Variants in RBFOX1 observed in about 807,000 individuals in gnomAD.
The protein encoded by RBFOX1 is RNA binding fox-1 homolog 1.
Under a neutral mutation model 57.7 loss-of-function variants are expected in RBFOX1, and 8 were observed. The ratio of observed to expected loss-of-function variants is 0.14; its 90% CI spans 0.08 to 0.25. The LOEUF is 0.25. Among genes scored for constraint, RBFOX1 ranks in the 10% least tolerant of loss-of-function variants. RBFOX1 has a pLI of 1.00. For synonymous variants in RBFOX1, 326 were observed against 222.4 expected (o/e 1.47, Z -4.15); for missense variants, 611 against 548.5 (o/e 1.11, Z -1.14).
At chr16:6,395,290 G>C (rs1286075154) in intron 2 of RBFOX1, among the ~76,000 whole-genome samples, 1 of 152,132 alleles carries the variant, frequency 6.6e-6, no homozygotes, top group South Asian at 2.1e-4. Flanking sequence ...TGCCAACAAA[G>C]TCAGATTTCA....
At chr16:5,463,243 T>C (rs2068846138) in intron 1 of RBFOX1, among the ~76,000 whole-genome samples, 2 of 152,166 alleles carry the variant, frequency 1.3e-5, no homozygotes, top group Admixed American at 1.3e-4. Context: ...TTTTGTTTTT[T>C]ATAAATCCAA....
At chr16:7,006,942 C>T (rs1023759235) in intron 3 of RBFOX1, among the ~76,000 whole-genome samples, 11 of 152,106 alleles carry the variant, frequency 7.2e-5, no homozygotes, top group African/African-American at 1.9e-4. Flanking sequence ...TCCATGTTTT[C>T]GTAGTCTTAG....
At chr16:7,527,464 T>G (rs1600927773) in intron 5 of RBFOX1, among the ~76,000 whole-genome samples, 1 of 152,158 alleles carries the variant, frequency 6.6e-6, no homozygotes, top group East Asian at 1.9e-4. Context: ...TTTGACGTTC[T>G]TTTTTGGACT....
intron 4 of RBFOX1, among the ~76,000 whole-genome samples, chr16:7,115,942 A>G (rs187835325): frequency 0.086 from 13,156 of 152,198 alleles, 937 homozygotes; most frequent in African/African-American, 0.19. Flanking sequence ...TGGGGGCTTC[A>G]TATTGTATCA....
At chr16:6,490,947 A>G (rs1026128810) in intron 2 of RBFOX1, among the ~76,000 whole-genome samples, 1 of 152,156 alleles carries the variant, frequency 6.6e-6, no homozygotes, top group Non-Finnish European at 1.5e-5. Context: ...TACCTATTTC[A>G]TCTAAGTGTT....
intron 2 of RBFOX1, among the ~76,000 whole-genome samples, chr16:6,366,658 A>G (rs1389451669): frequency 6.6e-6 from 1 of 152,194 alleles, no homozygotes; most frequent in African/African-American, 2.4e-5. Context: ...CTTTACATAG[A>G]TAATTTTATT....
At chr16:6,203,481 C>T (rs902653678) in intron 1 of RBFOX1, among the ~76,000 whole-genome samples, 1 of 152,146 alleles carries the variant, frequency 6.6e-6, no homozygotes, top group East Asian at 1.9e-4. Flanking sequence ...TTTATCCATT[C>T]ATTGTTGATG....
At position 7,055,336 on chromosome 16, in the gene RBFOX1, A is replaced by G. The variant is rs145425906; in HGVS notation, c.27+3238A>G. Among the ~76,000 whole-genome samples, 82 of 152,240 alleles carry G rather than the reference A, an allele frequency of 5.4e-4. 1 individual carries two copies. The highest frequency in any genetic ancestry group is 2.0e-3 in the African/African-American group (81 of 41,534). On this transcript the variant is annotated intron_variant, in intron 4 of 15. Coordinates refer to ENST00000550418, the MANE Select transcript of RBFOX1 (RefSeq NM_018723.4). ...ATCTGTGAGTTATAGACAAGCTAAG[A>G]GTTATGGAAAAGCTAAGAGTTATTT...
chr16:7,086,721 T>TACAC (rs71280731), intron 4 of RBFOX1, among the ~76,000 whole-genome samples: 26 of 149,580 alleles, frequency 1.7e-4, no homozygotes, highest in Admixed American at 5.3e-4. Context: ...GAAGAATGTA[T>TACAC]ACACACACAC....
intron 2 of RBFOX1, among the ~76,000 whole-genome samples, chr16:6,374,089 C>G (rs2090858799): frequency 6.6e-6 from 1 of 152,180 alleles, no homozygotes; most frequent in African/African-American, 2.4e-5. Flanking sequence ...GCCCTATTTA[C>G]CTTTTAAAGA....
intron 4 of RBFOX1, among the ~76,000 whole-genome samples, chr16:7,224,321 T>C (rs1603359979): frequency 6.6e-6 from 1 of 152,116 alleles, no homozygotes; most frequent in African/African-American, 2.4e-5. Flanking sequence ...GTAGCAGGTT[T>C]CATATCAGTA....
chr16:6,626,137 A>AG (rs199894861), intron 2 of RBFOX1, among the ~76,000 whole-genome samples: 1 of 147,534 alleles, frequency 6.8e-6, no homozygotes, highest in East Asian at 2.0e-4. Context: ...AAAATTCTGC[A>AG]GGTTTTTTTT....
At chr16:7,150,193 C>CA (rs767642454) in intron 4 of RBFOX1, among the ~76,000 whole-genome samples, 7 of 152,026 alleles carry the variant, frequency 4.6e-5, no homozygotes, top group Admixed American at 1.3e-4. Context: ...ATCCGAAGGA[C>CA]AAAAAATATG....
chr16:6,507,719 C>T (rs368953197), intron 2 of RBFOX1, among the ~76,000 whole-genome samples: 1 of 151,682 alleles, frequency 6.6e-6, no homozygotes, highest in Non-Finnish European at 1.5e-5. Context: ...AAGATAGTCA[C>T]AAAAAGACAC....
At chr16:6,087,930 C>T (rs1253414533) in intron 1 of RBFOX1, among the ~76,000 whole-genome samples, 6 of 152,170 alleles carry the variant, frequency 3.9e-5, no homozygotes, top group Non-Finnish European at 5.9e-5. Context: ...GGATTACAGG[C>T]GTCAGCCACC....
At chr16:5,903,412 G>A (rs1345224498) in intron 4 of RBFOX1, among the ~76,000 whole-genome samples, 5 of 152,080 alleles carry the variant, frequency 3.3e-5, no homozygotes, top group Non-Finnish European at 7.3e-5. Context: ...GACACAAAGC[G>A]GCTGGGCAGA....
At chr16:6,919,123 G>A (rs1285251873) in intron 3 of RBFOX1, among the ~76,000 whole-genome samples, 2 of 152,058 alleles carry the variant, frequency 1.3e-5, no homozygotes, top group African/African-American at 4.8e-5. Flanking sequence ...GGGATTACAG[G>A]CACCTGCCAT....
chr16:7,299,014 T>C (rs2141925007), intron 4 of RBFOX1, among the ~76,000 whole-genome samples: 1 of 152,310 alleles, frequency 6.6e-6, no homozygotes, highest in East Asian at 1.9e-4. Context: ...GGTTTATGTA[T>C]CATGTATCTA....
At chr16:5,474,654 CAA>C (rs527739074) in intron 2 of RBFOX1, among the ~76,000 whole-genome samples, 10 of 127,350 alleles carry the variant, frequency 7.9e-5, no homozygotes, top group East Asian at 2.3e-4. Flanking sequence ...GACTTCGTCT[CAA>C]AAAAAAAAAA....
Sources: allele counts gnomAD v4.1 joint callset (sites outside exome capture counted in the v4.1 genomes callset), GRCh38; gene constraint gnomAD v4.1.1; transcripts MANE v1.5; gene names NCBI Gene and HGNC (gene_info 2026-07-23, HGNC 2026-07-21).